Variants in CSNK1G1 observed in about 807,000 individuals in gnomAD.
CSNK1G1 encodes casein kinase I isoform gamma-1.
A neutral mutation model predicts 59.6 loss-of-function variants in CSNK1G1; 22 were observed. The observed-to-expected ratio is 0.37, with a 90% CI of 0.26 to 0.53. CSNK1G1 has a LOEUF of 0.53. Among genes scored for constraint, CSNK1G1 ranks in the 20% least tolerant of loss-of-function variants. CSNK1G1 has a pLI of 0.89. For synonymous variants in CSNK1G1, 179 were observed against 177.1 expected, an observed-to-expected ratio of 1.01 and a Z score of -0.08; for missense variants, 384 against 519.5, an observed-to-expected ratio of 0.74 and a Z score of 2.54.
At chr15:64,208,244 T>G (rs1312546024) in intron 6 of CSNK1G1, among the ~76,000 whole-genome samples, 1 of 152,164 alleles carries the variant, frequency 6.6e-6, no homozygotes, top group African/African-American at 2.4e-5. Context: ...ACATCTGTAG[T>G]GCCAGCTACT....
chr15:64,222,978 CTTAG>C (rs2082410760), intron 4 of CSNK1G1, among the ~76,000 whole-genome samples: 1 of 152,124 alleles, frequency 6.6e-6, no homozygotes, highest in Non-Finnish European at 1.5e-5. Flanking sequence ...TTTAAAGTTT[CTTAG>C]TTATTTTCTT....
intron 1 of CSNK1G1, among the ~76,000 whole-genome samples, chr15:64,314,227 C>T (rs1346402634): frequency 1.1e-4 from 16 of 152,198 alleles, no homozygotes; most frequent in Admixed American, 1.0e-3. Context: ...ACAGATTCTC[C>T]CACCCCAGCC....
intron 1 of CSNK1G1, among the ~76,000 whole-genome samples, chr15:64,310,872 G>A (rs952002331): frequency 1.3e-5 from 2 of 151,516 alleles, no homozygotes; most frequent in African/African-American, 4.8e-5. Context: ...GGGTGTGGTG[G>A]CGCATGCCTG....
intron 2 of CSNK1G1, among the ~76,000 whole-genome samples, chr15:64,298,663 T>G (rs1895151824): frequency 6.6e-6 from 1 of 152,152 alleles, no homozygotes; most frequent in Non-Finnish European, 1.5e-5. Context: ...GCTAGTATAG[T>G]GATGTTTCTC....
At chr15:64,228,829 A>C (rs1046287885) in intron 4 of CSNK1G1, among the ~76,000 whole-genome samples, 4 of 151,984 alleles carry the variant, frequency 2.6e-5, no homozygotes, top group African/African-American at 9.7e-5. Flanking sequence ...CAGCCTGGGC[A>C]ACATGGTGAA....
chr15:64,188,142 C>T lies in CSNK1G1; in HGVS notation c.1108-7688G>A, dbSNP rs2081922829. Among the ~76,000 whole-genome samples the T allele has an allele frequency of 1.3e-5, 2 of 152,124 alleles. No individual in the cohort carries two copies. The highest frequency in any genetic ancestry group is 2.4e-5 in the African/African-American group (1 of 41,412). On this transcript the variant is annotated intron_variant, in intron 10 of 11. Transcript: ENST00000303052. This position sits in a 1 kb window ranked among gnomAD's most constrained non-coding sequence, Gnocchi z 4.2. ...CATCAAGGTGGTAGGACTAGGTTAA[C>T]CAGAAATCAGTATCAGAAATCATAT... is the stretch of plus-strand genomic sequence containing the variant.
chr15:64,192,758 C>T (rs899905609), intron 10 of CSNK1G1, among the ~76,000 whole-genome samples: 3 of 136,152 alleles, frequency 2.2e-5, no homozygotes, highest in Admixed American at 8.3e-5. Flanking sequence ...ACTTGGGAGG[C>T]TGAGAACCCA....
At chr15:64,327,900 G>A (rs1320443343) in intron 1 of CSNK1G1, among the ~76,000 whole-genome samples, 2 of 38,262 alleles carry the variant, frequency 5.2e-5, no homozygotes, top group East Asian at 6.7e-4. Flanking sequence ...GAGCCGATGC[G>A]ATCAACTGGA....
At chr15:64,305,769 T>C (rs563484173) in intron 1 of CSNK1G1, among the ~76,000 whole-genome samples, 4 of 27,552 alleles carry the variant, frequency 1.5e-4, no homozygotes, top group African/African-American at 2.0e-4. Flanking sequence ...CAGTGTGATA[T>C]TGCAAAAAAA....
chr15:64,181,183 T>C, intron 10 of CSNK1G1: 1 of 1,524,644 alleles, frequency 6.6e-7, no homozygotes, highest in Non-Finnish European at 8.8e-7. Context: ...AAGCCAGTCT[T>C]ATTTCAACGA....
Position 64,259,209 on chromosome 15 carries a change from T to C in CSNK1G1, c.214A>G (p.Ile72Val), listed in dbSNP as rs367914891. Residue 72 changes from isoleucine (I) to valine (V), a missense_variant, in exon 3 of 12, where the codon ATC becomes GTC. This residue lies in a region of CSNK1G1 where 325 missense variants were observed against 440.9 expected (regional missense o/e 0.74). Transcript: ENST00000303052. ...AAACAGATTCTACTCACCAGTTTGA[T>C]TGCTACATATTCATTGGTGTAGAGA... ...KNLYTNEYVA[I>V]KLEPIKSRAP... 8.8e-5 allele frequency: 140 copies of C among 1,596,502 alleles called. No homozygotes were observed. Among genetic ancestry groups the C allele is most frequent in the East Asian group, 3.4e-4 (15 of 44,294 alleles).
intron 3 of CSNK1G1, among the ~76,000 whole-genome samples, chr15:64,255,552 C>T (rs908196846): frequency 1.3e-5 from 2 of 152,120 alleles, no homozygotes; most frequent in Admixed American, 1.3e-4. Context: ...TAAAAAAGCT[C>T]CTCAATAACC....
At chr15:64,184,297 C>T (rs972436857) in intron 10 of CSNK1G1, among the ~76,000 whole-genome samples, 5 of 148,590 alleles carry the variant, frequency 3.4e-5, no homozygotes, top group Middle Eastern at 7.8e-3. Context: ...AGCGAGACTT[C>T]GTCTCAAAAA....
rs1307464195 is a variant in CSNK1G1, at chr15:64,356,111, G to C, written c.-348C>G. On this transcript the variant is annotated 5_prime_UTR_variant, in exon 1 of 12. Transcript: ENST00000303052. ...TTTCCCAGGAGCGGGAGGGAGGGGA[G>C]AAGGCGGACGGGAGGGGGAAGGCGA... 6.6e-6 allele frequency: 1 copy of C among 152,234 alleles called. No individual in the cohort carries two copies. The highest frequency in any genetic ancestry group is 2.4e-5 in the African/African-American group (1 of 41,448). 9.4% of individuals were successfully genotyped at this position (152,234 alleles called of 1,614,324 possible).
chr15:64,264,742 C>T (rs1317004576), intron 2 of CSNK1G1, among the ~76,000 whole-genome samples: 3 of 152,258 alleles, frequency 2.0e-5, no homozygotes, highest in Middle Eastern at 3.4e-3. Context: ...ACACGTGACA[C>T]GTCACATGAA....
chr15:64,236,136 C>G (rs938473819), intron 4 of CSNK1G1, among the ~76,000 whole-genome samples: 4 of 130,888 alleles, frequency 3.1e-5, no homozygotes, highest in African/African-American at 1.3e-4. Context: ...GAGTGAGACT[C>G]CATCTCAAAA....
At chr15:64,256,092 T>A (rs1384098996) in intron 3 of CSNK1G1, among the ~76,000 whole-genome samples, 1 of 152,178 alleles carries the variant, frequency 6.6e-6, no homozygotes, top group East Asian at 1.9e-4. Flanking sequence ...TGAATCACTA[T>A]CAAAGCAGCC....
At chr15:64,274,072 G>A (rs890353546) in intron 2 of CSNK1G1, among the ~76,000 whole-genome samples, 27 of 152,302 alleles carry the variant, frequency 1.8e-4, no homozygotes, top group African/African-American at 6.0e-4. Context: ...CAACATAGTG[G>A]CTGATACATC....
At chr15:64,344,087 A>G (rs1378500126) in intron 1 of CSNK1G1, among the ~76,000 whole-genome samples, 1 of 152,192 alleles carries the variant, frequency 6.6e-6, no homozygotes, top group Non-Finnish European at 1.5e-5. Context: ...TGCTTTAAAA[A>G]ATAATAAAAT....
Sources: gnomAD v4.1 joint callset for allele counts (sites outside exome capture counted in the v4.1 genomes callset) on GRCh38, gnomAD v4.1.1 for gene constraint, gnomAD v4.1.1 regional missense constraint, Gnocchi (gnomAD v3.1) non-coding constraint, MANE v1.5 for transcripts, NCBI Gene and HGNC (gene_info 2026-07-23, HGNC 2026-07-21) for gene names.